The following TTLL5 variants were observed in gnomAD, a reference collection of about 807,000 sequenced individuals.
TTLL5 encodes the protein tubulin tyrosine ligase like 5, also known as tubulin polyglutamylase TTLL5.
Under a neutral mutation model 168.4 loss-of-function variants are expected in TTLL5, and 132 were observed. The ratio of observed to expected loss-of-function variants is 0.78; its 90% CI spans 0.68 to 0.91. TTLL5 has a LOEUF of 0.91. Among genes scored for constraint, TTLL5 ranks in the 40% least tolerant of loss-of-function variants. The pLI, the probability that TTLL5 is intolerant of heterozygous loss-of-function variation, is 0.00. For synonymous variants in TTLL5, 546 were observed against 558.6 expected (o/e 0.98, Z 0.32); for missense variants, 1,545 against 1,581.5 (o/e 0.98, Z 0.39).
At chr14:75,833,947 G>A (rs551259528) in intron 28 of TTLL5, among the ~76,000 whole-genome samples, 1 of 152,330 alleles carries the variant, frequency 6.6e-6, no homozygotes, top group African/African-American at 2.4e-5. Context: ...ATCCCAGATA[G>A]AGGCATGTTC....
rs746173383 is a variant in TTLL5 at position 75,771,784 on chromosome 14, T to A, written c.2066T>A (p.Ile689Asn). 1 of 1,614,066 alleles carries A rather than the reference T, an allele frequency of 6.2e-7. No individual in the cohort carries two copies. Among genetic ancestry groups the A allele is most frequent in the South Asian group, 1.1e-5 (1 of 91,078 alleles). ...TCTGCCTATCTCCAGCATGTTCAAA[T>A]TCGCCTGATGAAAGACAGTGGCGGT... is the stretch of plus-strand genomic sequence containing the variant. ...AFSAYLQHVQ[I>N]RLMKDSGGQT... Residue 689 changes from isoleucine (I) to asparagine (N), a missense_variant, in exon 21 of 32, where the codon ATT (isoleucine) becomes AAT (asparagine). Ile to Asn is a moderately radical substitution (Grantham distance 149). Coordinates refer to ENST00000298832, the MANE Select transcript of TTLL5 (RefSeq NM_015072.5).
intron 27 of TTLL5, among the ~76,000 whole-genome samples, chr14:75,807,181 C>T (rs1350475465): frequency 2.0e-5 from 3 of 152,070 alleles, no homozygotes; most frequent in Non-Finnish European, 2.9e-5. Flanking sequence ...GGTGCAGTGG[C>T]GCACTCCTAT....
intron 30 of TTLL5, among the ~76,000 whole-genome samples, chr14:75,888,393 G>A (rs574770573): frequency 2.6e-5 from 4 of 152,140 alleles, no homozygotes; most frequent in African/African-American, 7.2e-5. Context: ...AATGGTTGTC[G>A]AAATGGTAAT....
intron 31 of TTLL5, among the ~76,000 whole-genome samples, chr14:75,911,243 G>C (rs182298300): frequency 1.3e-5 from 2 of 151,914 alleles, no homozygotes; most frequent in Non-Finnish European, 2.9e-5. Context: ...ATGTTGGCCC[G>C]GCTGGCCTCG....
Position 75,928,363 on chromosome 14 carries a change from A to G in TTLL5, c.3824-26061A>G, listed in dbSNP as rs2034152712. Among the ~76,000 whole-genome samples, 2 of 138,224 alleles carry G rather than the reference A, an allele frequency of 1.4e-5. 1 individual carries two copies. The highest frequency in any genetic ancestry group is 4.5e-4 in the South Asian group (2 of 4,450). The allele number at this position is 138,224 out of a possible 152,430, so 90.7% of individuals were successfully genotyped here. A position where few individuals can be genotyped will look rare whatever the true frequency, so the allele number is the denominator to read the frequency against. ...AAAACATATATATATATATATATAT[A>G]TATATCACTGTATTTCTGCTTTACT... On this transcript the variant is annotated intron_variant, in intron 31 of 31. Transcript: ENST00000298832.
chr14:75,834,776 G>A (rs1895783420), intron 28 of TTLL5, among the ~76,000 whole-genome samples: 1 of 152,102 alleles, frequency 6.6e-6, no homozygotes, highest in South Asian at 2.1e-4. Flanking sequence ...ATTAGAACTT[G>A]CGCTTTGGGC....
intron 31 of TTLL5, among the ~76,000 whole-genome samples, chr14:75,945,775 A>G (rs1464761040): frequency 3.3e-5 from 5 of 152,214 alleles, no homozygotes; most frequent in Non-Finnish European, 5.9e-5. Flanking sequence ...CACATATTGC[A>G]GTGAATCACA....
In TTLL5 at chr14:75,747,490, T is replaced by C. The variant is rs568435529; in HGVS notation, c.1487+1909T>C. ...TGAATGCTAGACATTGCAGATGTTA[T>C]ATTGTTGAGTGTTTGGATTTTATTG... On this transcript the variant is annotated intron_variant, in intron 17 of 31. Coordinates refer to ENST00000298832, the MANE Select transcript of TTLL5 (RefSeq NM_015072.5). Among the ~76,000 whole-genome samples the C allele has an allele frequency of 4.6e-5, 7 of 152,292 alleles. No individual in the cohort carries two copies. The South Asian group carries it at 1.2e-3, about 27-fold the overall frequency.
chr14:75,663,048 C>T lies in TTLL5; in HGVS notation c.-95-7C>T. On this transcript the variant is annotated splice_region_variant and splice_polypyrimidine_tract_variant and intron_variant, in intron 1 of 31. Transcript: ENST00000298832. ...TCAATTGATCCAATCAAGTTGATTT[C>T]TTGCAGGAATCTGTGCCATCCAAAT... is the stretch of plus-strand genomic sequence containing the variant. 1 of 949,976 alleles carries T rather than the reference C, an allele frequency of 1.1e-6. No homozygotes were observed. Among genetic ancestry groups the T allele is most frequent in the Non-Finnish European group, 1.7e-6 (1 of 594,788 alleles). 58.8% of individuals were successfully genotyped at this position (949,976 alleles called of 1,614,324 possible).
intron 28 of TTLL5, among the ~76,000 whole-genome samples, chr14:75,860,903 T>G (rs2029923609): frequency 6.6e-6 from 1 of 152,246 alleles, no homozygotes; most frequent in African/African-American, 2.4e-5. Context: ...CCTGTTTTAC[T>G]GTCACTCAGC....
intron 31 of TTLL5, among the ~76,000 whole-genome samples, chr14:75,944,724 C>G (rs934442575): frequency 9.9e-5 from 15 of 151,990 alleles, no homozygotes; most frequent in African/African-American, 3.6e-4. Flanking sequence ...AACTGTCTCT[C>G]TAAAATAATA....
chr14:75,745,109 C>G lies in TTLL5; in HGVS notation c.1296C>G (p.Leu432=), dbSNP rs1594959670. 1.2e-6 allele frequency: 2 copies of G among 1,613,848 alleles called. No homozygotes were observed. The highest frequency in any genetic ancestry group is 1.7e-6 in the Non-Finnish European group (2 of 1,179,852). ...PFQKPQRCRP[L]SASDAEMKNL... ...CTTCTCCTTAGCGTTGCCGTCCACT[C>G]TCTGCCAGTGATGCGGAAATGAAAA... The change falls in exon 16 of 32, where the codon CTC becomes CTG. Residue 432 remains leucine, a synonymous_variant. Coordinates refer to ENST00000298832, the MANE Select transcript of TTLL5 (RefSeq NM_015072.5).
chr14:75,754,612 A>G (rs963534458), intron 18 of TTLL5, among the ~76,000 whole-genome samples: 1 of 152,238 alleles, frequency 6.6e-6, no homozygotes, highest in Non-Finnish European at 1.5e-5. Context: ...GTAGCAAAAA[A>G]TAAACAATTT....
chr14:75,910,991 GT>G (rs1423943535), intron 31 of TTLL5, among the ~76,000 whole-genome samples: 1 of 151,918 alleles, frequency 6.6e-6, no homozygotes, highest in Non-Finnish European at 1.5e-5. Context: ...GGGTTTTTTT[GT>G]TGTTGGGGGG....
At chr14:75,921,695 G>A (rs1014209544) in intron 31 of TTLL5, among the ~76,000 whole-genome samples, 4 of 152,198 alleles carry the variant, frequency 2.6e-5, no homozygotes, top group African/African-American at 9.7e-5. Flanking sequence ...GCTTAGGATT[G>A]TCTTGGCAAT....
intron 27 of TTLL5, among the ~76,000 whole-genome samples, chr14:75,810,589 A>G (rs1443713427): frequency 2.6e-5 from 4 of 152,078 alleles, no homozygotes; most frequent in African/African-American, 9.7e-5. Context: ...TTGGTCTTGA[A>G]TTTTTGGCCT....
chr14:75,738,516 A>G (rs1889048184), intron 15 of TTLL5, among the ~76,000 whole-genome samples: 1 of 152,184 alleles, frequency 6.6e-6, no homozygotes, highest in Non-Finnish European at 1.5e-5. Flanking sequence ...TGCCTTGTCT[A>G]ATATTTAGTA....
In TTLL5 at chr14:75,954,548, T is replaced by A; in HGVS notation, c.*102T>A. On this transcript the variant is annotated 3_prime_UTR_variant, in exon 32 of 32. Coordinates refer to ENST00000298832, the MANE Select transcript of TTLL5 (RefSeq NM_015072.5). ...CAAGGGGTCCATAGTATTTTTTTTT[T>A]TGCTGCCTCAAAGTCCCCAAAGCCT... The A allele has an allele frequency of 1.4e-6, 2 of 1,383,896 alleles. No individual in the cohort carries two copies. The highest frequency in any genetic ancestry group is 2.0e-6 in the Non-Finnish European group (2 of 991,906). 85.7% of individuals were successfully genotyped at this position (1,383,896 alleles called of 1,614,324 possible).
At chr14:75,773,961 G>GAGAGAA (rs1566598219) in intron 21 of TTLL5, among the ~76,000 whole-genome samples, 1 of 43,202 alleles carries the variant, frequency 2.3e-5, no homozygotes, top group African/African-American at 7.9e-5. Flanking sequence ...GAGAGAAAGA[G>GAGAGAA]AGAGAGAGAG....
Sources: allele counts gnomAD v4.1 joint callset (sites outside exome capture counted in the v4.1 genomes callset), GRCh38; gene constraint gnomAD v4.1.1; transcripts MANE v1.5; gene names NCBI Gene and HGNC (gene_info 2026-07-23, HGNC 2026-07-21).